IPPK: variants seen among roughly 807,000 people sequenced by gnomAD.
IPPK encodes IPK1 homolog.
IPPK carries 22 observed loss-of-function variants against 64.6 expected under a neutral mutation model. The ratio of observed to expected loss-of-function variants is 0.34; its 90% confidence interval spans 0.24 to 0.49. The LOEUF (loss-of-function observed/expected upper bound fraction) is 0.49, where lower values mean the gene tolerates loss of function less well. IPPK is among the 20% of genes least tolerant of loss of function. The probability of loss-of-function intolerance (pLI) is 0.99; values close to 1 mark genes in which losing one functional copy is unlikely to be tolerated. For synonymous variants in IPPK, 262 were observed against 247.2 expected, an observed-to-expected ratio of 1.06 and a Z score of -0.56; for missense variants, 532 against 630.7, an observed-to-expected ratio of 0.84 and a Z score of 1.68.
intron 1 of IPPK, among the ~76,000 whole-genome samples, chr9:92,662,519 G>A (rs767699018): frequency 1.3e-5 from 2 of 150,102 alleles, no homozygotes; most frequent in South Asian, 2.1e-4. Flanking sequence ...GCGAAACTCC[G>A]TCTCAAAAAA....
chr9:92,661,653 T>G (rs1852487061), intron 1 of IPPK, among the ~76,000 whole-genome samples: 1 of 152,216 alleles, frequency 6.6e-6, no homozygotes, highest in Non-Finnish European at 1.5e-5. Flanking sequence ...GAAACCTGAA[T>G]ACAGTGATTT....
rs140150174 is a variant in IPPK at position 92,641,165 on chromosome 9, C to T, written c.564-383G>A. Among the ~76,000 whole-genome samples the T allele has an allele frequency of 6.9e-3, 1,050 of 152,360 alleles. 9 individuals are homozygous for T. Among genetic ancestry groups the T allele is most frequent in the Non-Finnish European group, 0.011 (779 of 68,032 alleles). ...TCCCTTGTTCCTCCTGCCGCAACTT[C>T]CAAAGGCTCAGGGGCAGCAGGAGAC... On this transcript the variant is annotated intron_variant, in intron 7 of 12. Coordinates refer to ENST00000287996, the MANE Select transcript of IPPK (RefSeq NM_022755.6).
At chr9:92,616,094 C>T in intron 12 of IPPK, 37 bp from the exon 13 acceptor site, 1 of 1,438,130 alleles carries the variant, frequency 7.0e-7, no homozygotes, top group Non-Finnish European at 9.7e-7. Flanking sequence ...ATACACAAGC[C>T]CCCCATTCAT....
chr9:92,652,097 A>G (rs1165392961), intron 4 of IPPK, among the ~76,000 whole-genome samples: 5 of 151,912 alleles, frequency 3.3e-5, no homozygotes, highest in Non-Finnish European at 7.4e-5. Context: ...GATACAGAGA[A>G]TTGTATCCAT....
chr9:92,645,542 G>C (rs2131445696), intron 6 of IPPK, among the ~76,000 whole-genome samples: 1 of 152,148 alleles, frequency 6.6e-6, no homozygotes, highest in South Asian at 2.1e-4. Context: ...TCTACACCTA[G>C]ACACACCATA....
intron 8 of IPPK, 127 bp downstream of exon 8, chr9:92,640,583 T>C (rs1489880924): frequency 8.2e-6 from 6 of 731,258 alleles, no homozygotes; most frequent in Middle Eastern, 2.3e-4. Context: ...AGTCAGGGCA[T>C]GAGGACCCCA....
rs554825536 is a variant in IPPK, at chr9:92,623,643, CAT to C, written c.1171-4080_1171-4079del. ...ATCACAAAAGGAAAAATCCAGTAAA[CAT>C]ATGAGAAGGTACTTAATCTCATCAC... On this transcript the variant is annotated intron_variant, in intron 11 of 12. Transcript: ENST00000287996. 6.6e-5 allele frequency among the ~76,000 whole-genome samples: 10 copies of C among 152,236 alleles called. No individual in the cohort carries two copies. The South Asian group carries it at 2.1e-3, about 32-fold the overall frequency.
At position 92,648,039 on chromosome 9, in the gene IPPK, A is replaced by G; in HGVS notation, c.504+20T>C. The G allele has an allele frequency of 6.3e-7, 1 of 1,577,152 alleles. No individual in the cohort carries two copies. The highest frequency in any genetic ancestry group is 8.7e-7 in the Non-Finnish European group (1 of 1,147,888). On this transcript the variant is annotated intron_variant, in intron 6 of 12. Coordinates refer to ENST00000287996, the MANE Select transcript of IPPK (RefSeq NM_022755.6). Reference sequence around the variant, plus strand: ...CCAGCGTGCAGCTAGAGTAGCCCACAGCTGGGCATTGGCTCTCACCTTGAG... The same window carrying G: ...CCAGCGTGCAGCTAGAGTAGCCCACGGCTGGGCATTGGCTCTCACCTTGAG...
intron 1 of IPPK, among the ~76,000 whole-genome samples, chr9:92,664,423 T>C (rs1852551700): frequency 6.6e-6 from 1 of 152,154 alleles, no homozygotes; most frequent in Admixed American, 6.5e-5. Context: ...GCGCAGTAAG[T>C]GCTGGCCCCT....
At chr9:92,622,356 A>G (rs1162060928) in intron 11 of IPPK, among the ~76,000 whole-genome samples, 1 of 152,314 alleles carries the variant, frequency 6.6e-6, no homozygotes, top group East Asian at 1.9e-4. Flanking sequence ...GGAAAGGGAA[A>G]ACATCAAATT....
chr9:92,631,752 T>G (rs1289157043), intron 11 of IPPK, among the ~76,000 whole-genome samples: 1 of 152,206 alleles, frequency 6.6e-6, no homozygotes, highest in Non-Finnish European at 1.5e-5. Flanking sequence ...TATTCAGATA[T>G]CTCGGGTTTT....
intron 12 of IPPK, chr9:92,619,212 G>A (rs1851543998): frequency 2.5e-6 from 1 of 395,132 alleles, no homozygotes; most frequent in Non-Finnish European, 4.7e-6. Context: ...CATTGTTTCT[G>A]AGCTCTTGGG....
At chr9:92,626,371 C>T (rs1851733727) in intron 11 of IPPK, among the ~76,000 whole-genome samples, 1 of 151,848 alleles carries the variant, frequency 6.6e-6, no homozygotes, top group African/African-American at 2.4e-5. Flanking sequence ...CACTCCAGCC[C>T]GGGTGACAGA....
In IPPK at chr9:92,656,681, C is replaced by T. The variant is rs528463198; in HGVS notation, c.130-130G>A. On this transcript the variant is annotated intron_variant, in intron 2 of 12. Transcript: ENST00000287996. ...GGACATCCCAGCCACAGACAGAACC[C>T]GGGTGACAGCCCTCAGACCCAGGGG... 6.0e-4 allele frequency: 383 copies of T among 639,898 alleles called. 2 individuals are homozygous for T. The highest frequency in any genetic ancestry group is 4.2e-3 in the African/African-American group (232 of 55,048). The allele number at this position is 639,898 out of a possible 1,614,324, so 39.6% of individuals were successfully genotyped here.
intron 12 of IPPK, chr9:92,618,122 A>G: frequency 2.4e-6 from 1 of 414,972 alleles, no homozygotes; most frequent in Non-Finnish European, 4.8e-6. Context: ...GCCACTGCGC[A>G]CACCTTCCTG....
intron 2 of IPPK, 31 bp downstream of exon 2, chr9:92,658,603 G>C: frequency 1.9e-6 from 3 of 1,564,812 alleles, no homozygotes; most frequent in Non-Finnish European, 2.6e-6. Context: ...AATAATTGTT[G>C]TAAGTCTGGG....
At chr9:92,618,856 T>G (rs1851531649) in intron 12 of IPPK, 1 of 347,712 alleles carries the variant, frequency 2.9e-6, no homozygotes, top group Non-Finnish European at 5.6e-6. Context: ...TAGAAGAATG[T>G]GGAACATTCC....
intron 5 of IPPK, 148 bp from the exon 6 acceptor site, chr9:92,648,296 C>T (rs1379900298): frequency 1.6e-6 from 1 of 640,724 alleles, no homozygotes; most frequent in Non-Finnish European, 2.7e-6. Flanking sequence ...CACCTCCCAG[C>T]GGGAACAACA....
chr9:92,639,540 A>T (rs1564033096), intron 8 of IPPK, among the ~76,000 whole-genome samples: 4 of 152,034 alleles, frequency 2.6e-5, no homozygotes, highest in Admixed American at 2.6e-4. Flanking sequence ...AAACAATCCT[A>T]ATCCTCAGGA....
Sources: allele counts gnomAD v4.1 joint callset (sites outside exome capture counted in the v4.1 genomes callset), GRCh38; gene constraint gnomAD v4.1.1; transcripts MANE v1.5; gene names NCBI Gene and HGNC (gene_info 2026-07-23, HGNC 2026-07-21).